The following SHLD1 variants were observed in gnomAD, a reference collection of about 807,000 sequenced individuals.
The protein encoded by SHLD1 is RINN1-REV7-interacting novel NHEJ regulator 3.
A neutral mutation model predicts 5.5 loss-of-function variants in SHLD1; 3 were observed. The observed-to-expected ratio is 0.54, with a 90% confidence interval of 0.25 to 1.40. The LOEUF is 1.40. SHLD1 is among the 40% of genes most tolerant of loss of function. The pLI is 0.15. For synonymous variants in SHLD1, 92 were observed against 94.3 expected (o/e 0.98, Z 0.14); for missense variants, 210 against 244.4 (o/e 0.86, Z 0.94).
intron 2 of SHLD1, among the ~76,000 whole-genome samples, chr20:5,860,876 TAAAAAAAAAAAAAAAAAAAAA>T (rs10555301): frequency 3.0e-5 from 3 of 100,788 alleles, no homozygotes; most frequent in Non-Finnish European, 3.8e-5. Context: ...TACTATTCTT[TAAAAAAAAAAAAAAAAAAAAA>T]AAAAAAAAAA....
intron 2 of SHLD1, among the ~76,000 whole-genome samples, chr20:5,799,553 A>G (rs529070370): frequency 1.0e-3 from 153 of 147,722 alleles, no homozygotes; most frequent in Non-Finnish European, 1.8e-3. Flanking sequence ...AGCTCAAGCA[A>G]TTTGCTCACC....
intron 2 of SHLD1, among the ~76,000 whole-genome samples, chr20:5,828,107 T>C (rs541728958): frequency 3.3e-5 from 5 of 152,366 alleles, no homozygotes; most frequent in Non-Finnish European, 5.9e-5. Context: ...GCATGTTGTA[T>C]GTAACCAAGT....
At chr20:5,843,833 C>T (rs562086004) in intron 2 of SHLD1, among the ~76,000 whole-genome samples, 21 of 152,300 alleles carry the variant, frequency 1.4e-4, no homozygotes, top group South Asian at 2.1e-4. Flanking sequence ...GGTATCCTCG[C>T]GAAGGTGGAA....
At chr20:5,845,959 C>T (rs1282004928) in intron 2 of SHLD1, among the ~76,000 whole-genome samples, 1 of 152,164 alleles carries the variant, frequency 6.6e-6, no homozygotes, top group African/African-American at 2.4e-5. Flanking sequence ...TGTTTACAAT[C>T]CATTCTCTGA....
chr20:5,860,540 TC>T (rs1324483698), intron 2 of SHLD1, among the ~76,000 whole-genome samples: 1 of 152,118 alleles, frequency 6.6e-6, no homozygotes, highest in Non-Finnish European at 1.5e-5. Flanking sequence ...TTCACAGCTC[TC>T]CAGTTGCCCC....
At chr20:5,787,019 A>G (rs1311384969) in intron 2 of SHLD1, among the ~76,000 whole-genome samples, 3 of 152,138 alleles carry the variant, frequency 2.0e-5, no homozygotes, top group African/African-American at 7.2e-5. Flanking sequence ...AGTTTATTGA[A>G]CCTAAGCATA....
At chr20:5,836,091 GGTT>G (rs2087785954) in intron 2 of SHLD1, among the ~76,000 whole-genome samples, 1 of 150,214 alleles carries the variant, frequency 6.7e-6, no homozygotes, top group Non-Finnish European at 1.5e-5. Flanking sequence ...CTTGACAACT[GGTT>G]GTTTTTTTTT....
At chr20:5,846,895 G>A (rs2087938932) in intron 2 of SHLD1, among the ~76,000 whole-genome samples, 1 of 152,182 alleles carries the variant, frequency 6.6e-6, no homozygotes, top group Non-Finnish European at 1.5e-5. Context: ...TTTAAAACAA[G>A]CCTCGGGGTA....
chr20:5,759,700 A>G (rs796379192), intron 1 of SHLD1, among the ~76,000 whole-genome samples: 2 of 151,556 alleles, frequency 1.3e-5, no homozygotes, highest in African/African-American at 4.8e-5. Context: ...CGACTTGCTA[A>G]TTTTTTTTGT....
intron 1 of SHLD1, among the ~76,000 whole-genome samples, chr20:5,769,648 C>G (rs1256671301): frequency 1.3e-5 from 2 of 150,540 alleles, no homozygotes; most frequent in African/African-American, 5.0e-5. Context: ...AATGTGGTCT[C>G]TCTCTCAAAA....
intron 2 of SHLD1, among the ~76,000 whole-genome samples, chr20:5,816,801 A>T (rs1443171750): frequency 6.6e-6 from 1 of 152,168 alleles, no homozygotes; most frequent in African/African-American, 2.4e-5. Context: ...TGGGCGCAGT[A>T]GCTCACACCT....
intron 2 of SHLD1, chr20:5,773,305 C>T (rs1286761590): frequency 1.6e-6 from 1 of 607,770 alleles, no homozygotes. Context: ...TAATCTCCCT[C>T]AAAATGAATT....
intron 1 of SHLD1, among the ~76,000 whole-genome samples, chr20:5,760,298 GGTGAA>G (rs1282942771): frequency 6.6e-6 from 1 of 152,064 alleles, no homozygotes; most frequent in African/African-American, 2.4e-5. Context: ...TGCAAGGAGA[GGTGAA>G]GTGGAGTGCA....
chr20:5,810,257 G>A (rs1251393004), intron 2 of SHLD1, among the ~76,000 whole-genome samples: 5 of 148,984 alleles, frequency 3.4e-5, no homozygotes, highest in African/African-American at 5.0e-5. Flanking sequence ...ACTCTGTCTC[G>A]GAAAAAAAAA....
intron 2 of SHLD1, among the ~76,000 whole-genome samples, chr20:5,804,926 T>C (rs982497281): frequency 6.6e-6 from 1 of 152,190 alleles, no homozygotes; most frequent in African/African-American, 2.4e-5. Context: ...CAGGAAATCT[T>C]GGTGGAGTCC....
chr20:5,776,231 G>A (rs893301789), intron 2 of SHLD1, among the ~76,000 whole-genome samples: 1 of 152,020 alleles, frequency 6.6e-6, no homozygotes, highest in African/African-American at 2.4e-5. Context: ...GAGCCACTGC[G>A]CCCAGCCAGC....
chr20:5,813,945 C>CTTTTTTTTTTTT (rs143110037), intron 2 of SHLD1, among the ~76,000 whole-genome samples: 67 of 79,992 alleles, frequency 8.4e-4, no homozygotes, highest in Non-Finnish European at 9.2e-4. Context: ...CCTTTTCTTT[C>CTTTTTTTTTTTT]TTTTTTTTTT....
chr20:5,839,541 T>TGATAGATAGAC (rs1252702025), intron 2 of SHLD1, among the ~76,000 whole-genome samples: 1 of 146,824 alleles, frequency 6.8e-6, no homozygotes, highest in African/African-American at 2.5e-5. Context: ...GATAGACAGA[T>TGATAGATAGAC]AGACAGAAAA....
intron 2 of SHLD1, among the ~76,000 whole-genome samples, chr20:5,844,863 C>T (rs1395160820): frequency 1.4e-5 from 2 of 145,100 alleles, no homozygotes; most frequent in African/African-American, 5.2e-5. Flanking sequence ...AGTGCGATCT[C>T]GGTTCACTGC....
Sources: gnomAD v4.1 joint callset for allele counts (sites outside exome capture counted in the v4.1 genomes callset) on GRCh38, gnomAD v4.1.1 for gene constraint, MANE v1.5 for transcripts, NCBI Gene and HGNC (gene_info 2026-07-23, HGNC 2026-07-21) for gene names.